DTWD2: variants seen among roughly 807,000 people sequenced by gnomAD.
DTWD2 encodes DTW motif tRNA-uridine aminocarboxypropyltransferase 2, also known as tRNA-uridine aminocarboxypropyltransferase 2.
DTWD2 carries 39 observed loss-of-function variants against 31.8 expected under a neutral mutation model. The ratio of observed to expected loss-of-function variants is 1.22; its 90% CI spans 0.95 to 1.60. The LOEUF (loss-of-function observed/expected upper bound fraction) is 1.60. Among genes scored for constraint, DTWD2 ranks in the 40% most tolerant of loss-of-function variants. The pLI is 0.00. For missense variants in DTWD2, 515 were observed against 381.5 expected (o/e 1.35, Z -2.92); for synonymous variants, 180 against 142.8 (o/e 1.26, Z -1.86).
chr5:118,988,204 C>T, intron 1 of DTWD2, 90 bp downstream of exon 1: 2 of 1,487,644 alleles, frequency 1.3e-6, no homozygotes, highest in Non-Finnish European at 1.8e-6. Context: ...CGCAGAGCTG[C>T]CCGAGCCGCC....
chr5:118,848,125 G>C lies in DTWD2; in HGVS notation c.691C>G (p.Leu231Val). 6.3e-7 allele frequency: 1 copy of C among 1,587,854 alleles called. No individual in the cohort carries two copies. Among genetic ancestry groups the C allele is most frequent in the African/African-American group, 1.4e-5 (1 of 73,620 alleles). Reference protein sequence around the residue: ...LSTLECAAVALSILEKNNYIQ... With the variant: ...LSTLECAAVAVSILEKNNYIQ... Reference sequence around the variant, plus strand: ...TAATTATTTTTCTCCAAGATGGAAAGAGCAACAGCTGCACACTCCAGTGTA... The same window carrying C: ...TAATTATTTTTCTCCAAGATGGAAACAGCAACAGCTGCACACTCCAGTGTA... Residue 231 changes from leucine (L) to valine (V), a missense_variant, in exon 5 of 6, where the codon CTT becomes GTT. By Grantham distance (32) the Leu-to-Val change is conservative (BLOSUM62 1). Transcript: ENST00000510708.
chr5:118,921,628 C>T (rs191145517), intron 4 of DTWD2, among the ~76,000 whole-genome samples: 95 of 152,164 alleles, frequency 6.2e-4, no homozygotes, highest in African/African-American at 2.2e-3. Context: ...TTGTGGCTCT[C>T]CCCCAAAGGA....
At chr5:118,923,972 A>G (rs1753758486) in intron 4 of DTWD2, among the ~76,000 whole-genome samples, 1 of 152,240 alleles carries the variant, frequency 6.6e-6, no homozygotes, top group Non-Finnish European at 1.5e-5. Context: ...AAGAGCTGTC[A>G]TAATTGCTGG....
chr5:118,848,159 T>A lies in DTWD2; in HGVS notation c.657A>T (p.Arg219Ser), dbSNP rs1751904438. 6.2e-7 allele frequency: 1 copy of A among 1,607,724 alleles called. No homozygotes were observed. The highest frequency in any genetic ancestry group is 8.5e-7 in the Non-Finnish European group (1 of 1,177,278). ...CTGCACACTCCAGTGTAGAAAGGCA[T>A]CTATTAGTCGGCTGCATCCGAATTA... is the stretch of plus-strand genomic sequence containing the variant. ...QYVIRMQPTN[R>S]CLSTLECAAV... is the part of the protein sequence containing the mutation. The change falls in exon 5 of 6, where the codon AGA becomes AGT. Residue 219 changes from arginine to serine, a missense_variant. Arg to Ser is a moderately radical substitution (Grantham distance 110, BLOSUM62 -1). Coordinates refer to ENST00000510708, the MANE Select transcript of DTWD2 (RefSeq NM_173666.4).
At chr5:118,961,400 G>C (rs1754703457) in intron 1 of DTWD2, among the ~76,000 whole-genome samples, 1 of 152,046 alleles carries the variant, frequency 6.6e-6, no homozygotes, top group Non-Finnish European at 1.5e-5. Flanking sequence ...TCCATAGTTT[G>C]TCTTAAATAT....
At chr5:118,987,750 G>A (rs1240081402) in intron 1 of DTWD2, among the ~76,000 whole-genome samples, 1 of 152,196 alleles carries the variant, frequency 6.6e-6, no homozygotes, top group East Asian at 1.9e-4. Context: ...AAAGGTCTGA[G>A]CTAGACACAC....
At chr5:118,962,411 T>C (rs913985912) in intron 1 of DTWD2, among the ~76,000 whole-genome samples, 2 of 152,126 alleles carry the variant, frequency 1.3e-5, no homozygotes, top group Admixed American at 6.6e-5. Flanking sequence ...CAGCTAAGAA[T>C]TGAGTACAAC....
At chr5:118,853,908 T>G (rs1034680511) in intron 4 of DTWD2, among the ~76,000 whole-genome samples, 3 of 152,146 alleles carry the variant, frequency 2.0e-5, no homozygotes, top group Non-Finnish European at 4.4e-5. Context: ...TTTTGTGACT[T>G]TACTGGGGAA....
chr5:118,846,400 C>T (rs1751854019), intron 5 of DTWD2, among the ~76,000 whole-genome samples: 1 of 152,038 alleles, frequency 6.6e-6, no homozygotes, highest in Non-Finnish European at 1.5e-5. Flanking sequence ...AGATCCAATT[C>T]CAGTTGTGGG....
intron 4 of DTWD2, among the ~76,000 whole-genome samples, chr5:118,893,045 G>A (rs1246690620): frequency 6.6e-6 from 1 of 151,752 alleles, no homozygotes; most frequent in Non-Finnish European, 1.5e-5. Flanking sequence ...TATACGCAAA[G>A]GAATATATAC....
intron 4 of DTWD2, among the ~76,000 whole-genome samples, chr5:118,869,539 C>T (rs1752456373): frequency 6.6e-6 from 1 of 152,122 alleles, no homozygotes. Flanking sequence ...TTGTTGCCAA[C>T]CTGAAAAACA....
rs1236425736 is a variant in DTWD2, at chr5:118,838,491, CA to C, written c.*2425del. 2.6e-5 allele frequency: 4 copies of C among 152,116 alleles called. No individual in the cohort carries two copies. The highest frequency in any genetic ancestry group is 4.8e-5 in the African/African-American group (2 of 41,416). 9.4% of individuals were successfully genotyped at this position (152,116 alleles called of 1,614,324 possible). On this transcript the variant is annotated 3_prime_UTR_variant, in exon 6 of 6. Transcript: ENST00000510708. ...TGATTAATTTTTCAATTAAAATACT[CA>C]GATAATACTACACACTTGAGAACTT...
At chr5:118,926,773 T>C (rs1753818055) in intron 4 of DTWD2, among the ~76,000 whole-genome samples, 1 of 152,038 alleles carries the variant, frequency 6.6e-6, no homozygotes, top group African/African-American at 2.4e-5. Context: ...GGCACAATCA[T>C]AGCTCACTGT....
chr5:118,985,060 T>A (rs1452246520), intron 1 of DTWD2, among the ~76,000 whole-genome samples: 1 of 152,070 alleles, frequency 6.6e-6, no homozygotes, highest in Non-Finnish European at 1.5e-5. Context: ...AGGCCCAAAC[T>A]CCCTGACATA....
intron 4 of DTWD2, among the ~76,000 whole-genome samples, chr5:118,879,752 T>C (rs2149553735): frequency 6.6e-6 from 1 of 152,096 alleles, no homozygotes; most frequent in Non-Finnish European, 1.5e-5. Flanking sequence ...AGCTAAGTGA[T>C]GAGAACACAG....
At chr5:118,900,924 CAAA>C (rs538787473) in intron 4 of DTWD2, among the ~76,000 whole-genome samples, 3 of 72,996 alleles carry the variant, frequency 4.1e-5, no homozygotes, top group Admixed American at 3.2e-4. Flanking sequence ...GACTGCGTCT[CAAA>C]AAAAAAAAAA....
At chr5:118,986,541 C>T (rs1418424636) in intron 1 of DTWD2, among the ~76,000 whole-genome samples, 1 of 152,122 alleles carries the variant, frequency 6.6e-6, no homozygotes, top group Non-Finnish European at 1.5e-5. Context: ...ATAACTGTGA[C>T]TCAATGATCA....
rs200186053 is a variant in DTWD2 at position 118,928,614 on chromosome 5, T to C, written c.520A>G (p.Ile174Val). The C allele has an allele frequency of 1.1e-4, 182 of 1,602,050 alleles. No homozygotes were observed. Among genetic ancestry groups the C allele is most frequent in the East Asian group, 9.7e-4 (43 of 44,458 alleles). Residue 174 changes from isoleucine to valine, a missense_variant, in exon 4 of 6, where the codon ATC becomes GTC. Transcript: ENST00000510708. ...ILDSPVYPST[I>V]IIIDGTWSQA... ...CTCCATGTACCATCAATGATGATGA[T>C]TGTAGAAGGATAAACAGGAGAATCT...
At position 118,984,332 on chromosome 5, in the gene DTWD2, G is replaced by C. The variant is rs1245713511; in HGVS notation, c.218+3962C>G. The stretch of plus-strand genomic sequence containing the variant: ...AAAACTTAGCCAGGCGTGGTGGCAG[G>C]CACCTGTAGTCCCAGCTACTCTGGA... On this transcript the variant is annotated intron_variant, in intron 1 of 5. Transcript: ENST00000510708. 2.0e-5 allele frequency among the ~76,000 whole-genome samples: 3 copies of C among 151,738 alleles called. No individual in the cohort carries two copies. In the South Asian group the frequency reaches 6.2e-4, roughly 32 times the overall value.
Sources: allele counts gnomAD v4.1 joint callset (sites outside exome capture counted in the v4.1 genomes callset), GRCh38; gene constraint gnomAD v4.1.1; transcripts MANE v1.5; gene names NCBI Gene and HGNC (gene_info 2026-07-23, HGNC 2026-07-21).